The following GNA15 variants were observed in gnomAD, a reference collection of about 807,000 sequenced individuals.
GNA15 encodes guanine nucleotide-binding protein subunit alpha-15.
Under a neutral mutation model 40.1 loss-of-function variants are expected in GNA15, and 23 were observed. The ratio of observed to expected loss-of-function variants is 0.57; its 90% CI spans 0.41 to 0.81. The LOEUF (loss-of-function observed/expected upper bound fraction) is 0.81, where lower values mean the gene tolerates loss of function less well. Among genes scored for constraint, GNA15 ranks in the 40% least tolerant of loss-of-function variants. The probability of loss-of-function intolerance (pLI) is 0.00; values close to 1 mark genes in which losing one functional copy is unlikely to be tolerated. For missense variants in GNA15, 522 were observed against 515.8 expected, an observed-to-expected ratio of 1.01 and a Z score of -0.12; for synonymous variants, 226 against 210.4, an observed-to-expected ratio of 1.07 and a Z score of -0.64.
intron 1 of GNA15, among the ~76,000 whole-genome samples, chr19:3,140,788 T>C (rs12975183): frequency 0.23 from 35,103 of 152,074 alleles, 4,082 homozygotes; most frequent in Non-Finnish European, 0.26. Flanking sequence ...TGGGGAGAAC[T>C]TCCCCCAGAC....
At chr19:3,147,781 G>T (rs1914766441) in intron 1 of GNA15, among the ~76,000 whole-genome samples, 3 of 150,020 alleles carry the variant, frequency 2.0e-5, no homozygotes, top group African/African-American at 7.4e-5. Context: ...CAGCTACTCA[G>T]AGAGGCTGAG....
At chr19:3,159,026 T>C (rs1263200438) in intron 6 of GNA15, among the ~76,000 whole-genome samples, 1 of 152,136 alleles carries the variant, frequency 6.6e-6, no homozygotes, top group South Asian at 2.1e-4. Context: ...TCTTTAATTT[T>C]TTTTTGTTTG....
intron 2 of GNA15, chr19:3,149,040 C>T: frequency 2.1e-6 from 1 of 470,690 alleles, no homozygotes; most frequent in Non-Finnish European, 3.9e-6. Context: ...AGGACACACA[C>T]GTACATGCTC....
At chr19:3,160,238 ACTCTTGGCCT>A (rs143928817) in intron 6 of GNA15, among the ~76,000 whole-genome samples, 24,756 of 151,044 alleles carry the variant, frequency 0.16, 2,433 homozygotes, top group Non-Finnish European at 0.22. Flanking sequence ...TGCTCTTGGC[ACTCTTGGCCT>A]CTCTCTCTGT....
At chr19:3,150,077 A>G in intron 2 of GNA15, 54 bp from the exon 3 acceptor site, 1 of 1,515,198 alleles carries the variant, frequency 6.6e-7, no homozygotes, top group Non-Finnish European at 9.1e-7. Flanking sequence ...ATGCCTGCGG[A>G]GGGCAGCCCC....
chr19:3,156,054 G>C, intron 5 of GNA15, 102 bp downstream of exon 5: 3 of 1,118,586 alleles, frequency 2.7e-6, no homozygotes, highest in Non-Finnish European at 3.9e-6. Context: ...GCTCTTGAAC[G>C]GGCCTGTGTG....
intron 6 of GNA15, among the ~76,000 whole-genome samples, chr19:3,161,343 G>A (rs1304701613): frequency 6.6e-6 from 1 of 152,076 alleles, no homozygotes; most frequent in African/African-American, 2.4e-5. Context: ...TGAATTTTGG[G>A]GGACACTGTT....
chr19:3,151,742 G>T lies in GNA15; in HGVS notation c.521G>T (p.Gly174Val). 2 of 1,610,444 alleles carry T rather than the reference G, an allele frequency of 1.2e-6. No individual in the cohort carries two copies. The highest frequency in any genetic ancestry group is 1.7e-6 in the Non-Finnish European group (2 of 1,178,500). The change falls in exon 4 of 7, where the codon GGC becomes GTC. Residue 174 changes from glycine to valine, a missense_variant. Physicochemically the swap from Gly to Val is moderately radical, Grantham distance 109. Coordinates refer to ENST00000262958, the MANE Select transcript of GNA15 (RefSeq NM_002068.4). The surrounding 1 kb of genome is among the most constrained non-coding windows in gnomAD (Gnocchi z 5.0). The stretch of plus-strand genomic sequence containing the variant: ...CACCTGGAGCGCATCACCGAGGAGG[G>T]CTACGTCCCCACAGCTCAGGACGTG... ...LSHLERITEE[G>V]YVPTAQDVLR... is the part of the protein sequence containing the mutation.
intron 4 of GNA15, among the ~76,000 whole-genome samples, chr19:3,153,763 G>A (rs150539984): frequency 4.8e-4 from 73 of 151,020 alleles, no homozygotes; most frequent in African/African-American, 1.7e-3. Flanking sequence ...TGGATGAGTG[G>A]ATGGATGGAT....
rs958492946 is a variant in GNA15, at chr19:3,151,672, T to G, written c.486-35T>G. 54 of 1,534,770 alleles carry G rather than the reference T, an allele frequency of 3.5e-5. No individual in the cohort carries two copies. The highest frequency in any genetic ancestry group is 4.6e-5 in the Non-Finnish European group (52 of 1,139,484). The stretch of plus-strand genomic sequence containing the variant: ...GCCTGGGAAGCAAAGGGAGGCTGGC[T>G]GCAAGGCTGGGCCTCAGGACTCCTT... On this transcript the variant is annotated intron_variant, in intron 3 of 6. Transcript: ENST00000262958. The surrounding 1 kb of genome is among the most constrained non-coding windows in gnomAD (Gnocchi z 5.0).
Position 3,138,298 on chromosome 19 carries a change from C to T in GNA15, c.145+1703C>T, listed in dbSNP as rs902958603. Among the ~76,000 whole-genome samples the T allele has an allele frequency of 2.1e-4, 32 of 152,292 alleles. No individual in the cohort carries two copies. In the South Asian group the frequency reaches 3.3e-3, roughly 16 times the overall value. On this transcript the variant is annotated intron_variant, in intron 1 of 6. Transcript: ENST00000262958. ...AAAAAAATTCTGATCTCTGAAACCTCGGGGTCTTCTCATTCCCGTAGCTTG... is the reference window on the plus strand; with the variant it reads ...AAAAAAATTCTGATCTCTGAAACCTTGGGGTCTTCTCATTCCCGTAGCTTG...
intron 6 of GNA15, among the ~76,000 whole-genome samples, chr19:3,159,178 G>C (rs11882510): frequency 0.18 from 26,752 of 148,200 alleles, 2,526 homozygotes; most frequent in African/African-American, 0.21. Context: ...GTGCCCGCCA[G>C]AACGTCTGGC....
chr19:3,148,901 G>T (rs539753380), intron 2 of GNA15, 126 bp downstream of exon 2: 1 of 971,448 alleles, frequency 1.0e-6, no homozygotes, highest in Non-Finnish European at 1.5e-6. Flanking sequence ...GGCAGGCAGG[G>T]AAGGGTCCCC....
chr19:3,149,244 AACAC>A (rs1050094670), intron 2 of GNA15: 1 of 162,526 alleles, frequency 6.2e-6, no homozygotes, highest in Non-Finnish European at 1.3e-5. Flanking sequence ...CACACTCACA[AACAC>A]ACACAAGAAT....
chr19:3,150,543 C>T (rs545132574), intron 3 of GNA15, among the ~76,000 whole-genome samples: 8 of 151,766 alleles, frequency 5.3e-5, no homozygotes, highest in African/African-American at 1.5e-4. Flanking sequence ...TCTGTTCTGG[C>T]GGTGATCTTG....
chr19:3,144,718 C>G (rs145666951), intron 1 of GNA15, among the ~76,000 whole-genome samples: 1 of 150,648 alleles, frequency 6.6e-6, no homozygotes, highest in African/African-American at 2.4e-5. Context: ...TTAGTAGAGA[C>G]GGGGTTTCAC....
intron 4 of GNA15, among the ~76,000 whole-genome samples, chr19:3,154,345 A>G (rs1415583803): frequency 8.3e-6 from 1 of 120,094 alleles, no homozygotes; most frequent in African/African-American, 3.2e-5. Flanking sequence ...TGACGGATGA[A>G]TGGATGAATG....
intron 1 of GNA15, among the ~76,000 whole-genome samples, chr19:3,137,788 TAAAC>T (rs1171461022): frequency 6.7e-5 from 10 of 149,826 alleles, no homozygotes; most frequent in Non-Finnish European, 1.3e-4. Flanking sequence ...CTCAAACAAA[TAAAC>T]AAACAAACAA....
In GNA15 at chr19:3,160,185, A is replaced by T. The variant is rs77595035; in HGVS notation, c.898+2304A>T. Among the ~76,000 whole-genome samples, 1,442 of 152,244 alleles carry T rather than the reference A, an allele frequency of 9.5e-3. 31 individuals are homozygous for T. Among genetic ancestry groups the T allele is most frequent in the African/African-American group, 0.033 (1,391 of 41,528 alleles). ...GCTGGGCTCTATGGGATTGGAGATAAACTTCCAAGATGGCTTCTTCCCCCA... is the reference window on the plus strand; with the variant it reads ...GCTGGGCTCTATGGGATTGGAGATATACTTCCAAGATGGCTTCTTCCCCCA... On this transcript the variant is annotated intron_variant, in intron 6 of 6. Coordinates refer to ENST00000262958, the MANE Select transcript of GNA15 (RefSeq NM_002068.4).
Sources: allele counts gnomAD v4.1 joint callset (sites outside exome capture counted in the v4.1 genomes callset), GRCh38; gene constraint gnomAD v4.1.1; non-coding constraint Gnocchi (gnomAD v3.1); transcripts MANE v1.5; gene names NCBI Gene and HGNC (gene_info 2026-07-23, HGNC 2026-07-21).